NRXN1: variants seen among roughly 807,000 people sequenced by gnomAD.
NRXN1 encodes the protein neurexin 1.
A neutral mutation model predicts 150.9 loss-of-function variants in NRXN1; 39 were observed. That is an observed-to-expected ratio of 0.26 (90% CI 0.20 to 0.34). The LOEUF is 0.34. Among genes scored for constraint, NRXN1 ranks in the 10% least tolerant of loss-of-function variants. The pLI, the probability that NRXN1 is intolerant of heterozygous loss-of-function variation, is 1.00. For missense variants in NRXN1, 1,815 were observed against 1,949.9 expected, an observed-to-expected ratio of 0.93 and a Z score of 1.30; for synonymous variants, 924 against 757.0, an observed-to-expected ratio of 1.22 and a Z score of -3.62.
chr2:50,027,017 G>T (rs1297225720), intron 21 of NRXN1, among the ~76,000 whole-genome samples: 1 of 151,574 alleles, frequency 6.6e-6, no homozygotes, highest in African/African-American at 2.4e-5. Flanking sequence ...AAGTAGCTGA[G>T]ACTACAGGTG....
At chr2:50,655,335 T>A (rs1342920133) in intron 5 of NRXN1, among the ~76,000 whole-genome samples, 2 of 152,014 alleles carry the variant, frequency 1.3e-5, no homozygotes, top group African/African-American at 4.8e-5. Context: ...TGCCTGCCCT[T>A]CAAAAAACTC....
chr2:50,984,719 A>G (rs1697417411), intron 2 of NRXN1, among the ~76,000 whole-genome samples: 1 of 152,114 alleles, frequency 6.6e-6, no homozygotes, highest in Admixed American at 6.6e-5. Context: ...GGATAAGGGC[A>G]CCAGAGTTGT....
chr2:50,006,882 G>A (rs1391909583), intron 21 of NRXN1, among the ~76,000 whole-genome samples: 4 of 152,092 alleles, frequency 2.6e-5, no homozygotes, highest in Non-Finnish European at 5.9e-5. Context: ...ACAACTTCTG[G>A]ATCATCAGAA....
At chr2:50,738,459 C>A (rs1343140199) in intron 5 of NRXN1, among the ~76,000 whole-genome samples, 1 of 152,154 alleles carries the variant, frequency 6.6e-6, no homozygotes, top group Non-Finnish European at 1.5e-5. Context: ...AATAATGTCA[C>A]ACAAAAAGCT....
At chr2:50,193,264 T>C (rs1279487378) in intron 18 of NRXN1, among the ~76,000 whole-genome samples, 2 of 152,142 alleles carry the variant, frequency 1.3e-5, no homozygotes, top group Non-Finnish European at 2.9e-5. Flanking sequence ...AAATTAAAAC[T>C]ACAAAAATAA....
At chr2:50,155,900 A>C (rs1416269077) in intron 18 of NRXN1, among the ~76,000 whole-genome samples, 1 of 151,680 alleles carries the variant, frequency 6.6e-6, no homozygotes, top group Non-Finnish European at 1.5e-5. Context: ...GACATTTGTA[A>C]ATTTGTACAA....
chr2:50,953,947 G>C (rs1243378889), intron 2 of NRXN1, among the ~76,000 whole-genome samples: 8 of 152,126 alleles, frequency 5.3e-5, no homozygotes, highest in African/African-American at 1.7e-4. Context: ...ACAAAATATA[G>C]AGACCAATTG....
At chr2:50,714,045 CT>C (rs961383408) in intron 5 of NRXN1, among the ~76,000 whole-genome samples, 1 of 152,054 alleles carries the variant, frequency 6.6e-6, no homozygotes, top group African/African-American at 2.4e-5. Context: ...AGGTATTAGG[CT>C]TTTACTTTAA....
Position 50,226,493 on chromosome 2 carries a change from A to T in NRXN1, c.3546+10296T>A, listed in dbSNP as rs556205081. The stretch of plus-strand genomic sequence containing the variant: ...TAGAAGAAAAGGAGGTAGAAGAGAA[A>T]GAAGAAGAAGGAGGAGAGGAGAAGC... On this transcript the variant is annotated intron_variant, in intron 18 of 22. Coordinates refer to ENST00000401669, the MANE Select transcript of NRXN1 (RefSeq NM_001330078.2). Among the ~76,000 whole-genome samples, 7 of 152,106 alleles carry T rather than the reference A, an allele frequency of 4.6e-5. No individual in the cohort carries two copies. In the South Asian group the frequency reaches 1.2e-3, roughly 27 times the overall value.
intron 2 of NRXN1, among the ~76,000 whole-genome samples, chr2:51,008,576 G>A (rs1372871139): frequency 6.6e-6 from 1 of 151,660 alleles, no homozygotes; most frequent in Non-Finnish European, 1.5e-5. Flanking sequence ...TTCCTCTCTT[G>A]CCCATTACTA....
At chr2:49,980,521 G>A (rs897568299) in intron 21 of NRXN1, among the ~76,000 whole-genome samples, 1 of 152,132 alleles carries the variant, frequency 6.6e-6, no homozygotes, top group Non-Finnish European at 1.5e-5. Context: ...CAGCAGAGAG[G>A]AAAAATGCAG....
chr2:50,962,503 A>G (rs1253584916), intron 2 of NRXN1, among the ~76,000 whole-genome samples: 1 of 135,966 alleles, frequency 7.4e-6, no homozygotes, highest in Non-Finnish European at 1.6e-5. Flanking sequence ...ATATATTCAC[A>G]GAGCCAAGTG....
rs552231598 is a variant in NRXN1 at position 50,646,708 on chromosome 2, CTTTTTTTT to C, written c.833-23101_833-23094del. ...TCCTGCCTCTGTACTTTCATGTTGT[CTTTTTTTT>C]TTTTTTTTTTTTTCTCTCTGAGCTG... On this transcript the variant is annotated intron_variant, in intron 5 of 22. Transcript: ENST00000401669. 3.6e-3 allele frequency among the ~76,000 whole-genome samples: 389 copies of C among 107,412 alleles called. 2 individuals carry two copies. Among genetic ancestry groups the C allele is most frequent in the African/African-American group, 0.012 (346 of 28,724 alleles). The allele number at this position is 107,412 out of a possible 152,430, so 70.5% of individuals were successfully genotyped here. A position where few individuals can be genotyped will look rare whatever the true frequency, so the allele number is the denominator to read the frequency against.
At chr2:50,255,514 G>A (rs2067613155) in intron 17 of NRXN1, among the ~76,000 whole-genome samples, 1 of 152,054 alleles carries the variant, frequency 6.6e-6, no homozygotes, top group African/African-American at 2.4e-5. Context: ...ATTACAAGGT[G>A]GTTCCAATTT....
At chr2:50,720,657 CT>C (rs1486063158) in intron 5 of NRXN1, among the ~76,000 whole-genome samples, 6 of 152,226 alleles carry the variant, frequency 3.9e-5, no homozygotes, top group Non-Finnish European at 5.9e-5. Flanking sequence ...ATAAACCACT[CT>C]TCCCAGTTTC....
At chr2:50,402,749 C>T (rs985141907) in intron 17 of NRXN1, among the ~76,000 whole-genome samples, 5 of 151,964 alleles carry the variant, frequency 3.3e-5, no homozygotes, top group Admixed American at 3.3e-4. Context: ...ATCCCAGAGC[C>T]CATTAGAACT....
intron 18 of NRXN1, among the ~76,000 whole-genome samples, chr2:50,148,516 A>AC (rs2058501444): frequency 6.6e-6 from 1 of 151,642 alleles, no homozygotes. Flanking sequence ...CAATCTAATC[A>AC]CCATTTGATT....
intron 22 of NRXN1, among the ~76,000 whole-genome samples, chr2:49,938,565 T>C (rs1671441367): frequency 6.8e-6 from 1 of 146,408 alleles, no homozygotes; most frequent in African/African-American, 2.8e-5. Context: ...TCAATGGAAC[T>C]CTTCTTTTCC....
intron 17 of NRXN1, among the ~76,000 whole-genome samples, chr2:50,391,480 A>G (rs1241759003): frequency 6.6e-6 from 1 of 152,178 alleles, no homozygotes; most frequent in Non-Finnish European, 1.5e-5. Context: ...TTTACATTAC[A>G]TTTGAAATAC....
Sources: gnomAD v4.1 joint callset for allele counts (sites outside exome capture counted in the v4.1 genomes callset) on GRCh38, gnomAD v4.1.1 for gene constraint, MANE v1.5 for transcripts, NCBI Gene and HGNC (gene_info 2026-07-23, HGNC 2026-07-21) for gene names.